SCG5: variants seen among roughly 807,000 people sequenced by gnomAD.
The protein encoded by SCG5 is neuroendocrine protein 7B2.
Under a neutral mutation model 25.7 loss-of-function variants are expected in SCG5, and 18 were observed. The ratio of observed to expected loss-of-function variants is 0.70; its 90% CI spans 0.48 to 1.04. The LOEUF (loss-of-function observed/expected upper bound fraction) is 1.04. Ranked by LOEUF, SCG5 falls within the 50% of genes least tolerant of loss-of-function variation. The pLI is 0.00. For synonymous variants in SCG5, 101 were observed against 91.7 expected (o/e 1.10, Z -0.58); for missense variants, 206 against 259.8 (o/e 0.79, Z 1.42).
At chr15:32,673,894 T>C (rs1293412848) in intron 2 of SCG5, among the ~76,000 whole-genome samples, 1 of 152,092 alleles carries the variant, frequency 6.6e-6, no homozygotes, top group Non-Finnish European at 1.5e-5. Context: ...CCTGTAATTG[T>C]ATTTTTAGTA....
At chr15:32,681,022 T>C (rs1489462691) in intron 3 of SCG5, among the ~76,000 whole-genome samples, 1 of 152,146 alleles carries the variant, frequency 6.6e-6, no homozygotes, top group Non-Finnish European at 1.5e-5. Context: ...TAAATAAAAT[T>C]ATCCATGTAA....
In SCG5 at chr15:32,652,055, G is replaced by A. The variant is rs953486354; in HGVS notation, c.226+8237G>A. ...TCCACAAAGGAAACTGGGATAAATC[G>A]GCCAGAAAGGAGAAGAACCAGAAAG... On this transcript the variant is annotated intron_variant, in intron 2 of 5. Coordinates refer to ENST00000300175, the MANE Select transcript of SCG5 (RefSeq NM_001144757.3). Among the ~76,000 whole-genome samples, 6 of 152,110 alleles carry A rather than the reference G, an allele frequency of 3.9e-5. No individual in the cohort carries two copies. The East Asian group carries it at 7.7e-4, about 20-fold the overall frequency.
chr15:32,657,357 A>G (rs918160196), intron 2 of SCG5, among the ~76,000 whole-genome samples: 5 of 150,450 alleles, frequency 3.3e-5, no homozygotes, highest in Non-Finnish European at 3.0e-5. Flanking sequence ...CCTGGCCTTA[A>G]GTGCTCTGCT....
In SCG5 at chr15:32,696,808, G is replaced by A; in HGVS notation, c.*199G>A. 2.4e-6 allele frequency: 1 copy of A among 419,928 alleles called. No homozygotes were observed. The highest frequency in any genetic ancestry group is 4.3e-6 in the Non-Finnish European group (1 of 235,008). 26.0% of individuals were successfully genotyped at this position (419,928 alleles called of 1,614,324 possible). ...GCTAAATTAGAATAAGAGCTTTTTT[G>A]TTTCTTGGGTTTTTAAAATGTGAAT... On this transcript the variant is annotated 3_prime_UTR_variant, in exon 6 of 6. Transcript: ENST00000300175.
At chr15:32,684,484 T>A (rs990324277) in intron 3 of SCG5, 73 bp from the exon 4 acceptor site, 2 of 964,300 alleles carry the variant, frequency 2.1e-6, no homozygotes, top group Non-Finnish European at 3.2e-6. Context: ...TGCCTAGTTG[T>A]TTTTGATAAA....
chr15:32,677,901 T>A (rs2054556393), intron 2 of SCG5, among the ~76,000 whole-genome samples: 1 of 152,144 alleles, frequency 6.6e-6, no homozygotes, highest in African/African-American at 2.4e-5. Context: ...AGTTATGGAG[T>A]AGAAGTTGTT....
intron 4 of SCG5, among the ~76,000 whole-genome samples, chr15:32,685,238 G>C (rs545172836): frequency 4.6e-5 from 7 of 152,338 alleles, no homozygotes; most frequent in Non-Finnish European, 1.0e-4. Flanking sequence ...CACTTGGAAA[G>C]ATAAATCATG....
chr15:32,659,559 T>C (rs905783891), intron 2 of SCG5, among the ~76,000 whole-genome samples: 21 of 151,686 alleles, frequency 1.4e-4, no homozygotes, highest in Admixed American at 7.2e-4. Context: ...ACTGGTCAGT[T>C]CCCCCAGTGG....
chr15:32,654,165 C>G lies in SCG5; in HGVS notation c.226+10347C>G, dbSNP rs187354128. Reference sequence around the variant, plus strand: ...GATACAGCTTGTCTTCTGGTCTGTTCAGGCTGCTATAACAAAAATTCCACA... The same window carrying G: ...GATACAGCTTGTCTTCTGGTCTGTTGAGGCTGCTATAACAAAAATTCCACA... On this transcript the variant is annotated intron_variant, in intron 2 of 5. Transcript: ENST00000300175. Among the ~76,000 whole-genome samples the G allele has an allele frequency of 1.2e-4, 19 of 152,268 alleles. No homozygotes were observed. The East Asian group carries it at 2.9e-3, about 23-fold the overall frequency.
chr15:32,693,979 A>G (rs62002602), intron 5 of SCG5, among the ~76,000 whole-genome samples: 12,812 of 152,132 alleles, frequency 0.084, 742 homozygotes, highest in Non-Finnish European at 0.13. Context: ...GCGTGGTGGT[A>G]TGCTCCTGTT....
chr15:32,688,819 C>T (rs1050571667), intron 4 of SCG5, among the ~76,000 whole-genome samples: 13 of 152,056 alleles, frequency 8.5e-5, no homozygotes, highest in African/African-American at 2.2e-4. Flanking sequence ...ATTAGCCGGG[C>T]GCGGTGGCGG....
chr15:32,651,447 T>G (rs1041362994), intron 2 of SCG5, among the ~76,000 whole-genome samples: 1 of 152,210 alleles, frequency 6.6e-6, no homozygotes, highest in African/African-American at 2.4e-5. Context: ...GCTTCCCATT[T>G]GAGGATGGCG....
chr15:32,694,138 A>G (rs2054913722), intron 5 of SCG5, among the ~76,000 whole-genome samples: 1 of 152,026 alleles, frequency 6.6e-6, no homozygotes, highest in East Asian at 1.9e-4. Context: ...ACAAAAACAA[A>G]CCCAAAGCTC....
chr15:32,671,157 A>C (rs754092650), intron 2 of SCG5, among the ~76,000 whole-genome samples: 7 of 152,094 alleles, frequency 4.6e-5, no homozygotes, highest in Non-Finnish European at 1.0e-4. Flanking sequence ...GTGGACTTGA[A>C]CTCAGGGCCC....
At chr15:32,691,847 T>A (rs752523928) in intron 5 of SCG5, 84 bp downstream of exon 5, 13 of 1,561,606 alleles carry the variant, frequency 8.3e-6, no homozygotes, top group Non-Finnish European at 1.1e-5. Flanking sequence ...CCTCGCTTGT[T>A]GGGAAGTCAC....
chr15:32,654,093 C>T (rs1435751041), intron 2 of SCG5, among the ~76,000 whole-genome samples: 1 of 152,166 alleles, frequency 6.6e-6, no homozygotes, highest in Non-Finnish European at 1.5e-5. Flanking sequence ...TCCTTGCCAC[C>T]TTTTACAGAT....
chr15:32,657,452 T>G (rs1166280812), intron 2 of SCG5, among the ~76,000 whole-genome samples: 3 of 151,676 alleles, frequency 2.0e-5, no homozygotes, highest in Non-Finnish European at 2.9e-5. Flanking sequence ...ATAGCAACTT[T>G]TTCATACTGA....
chr15:32,663,121 C>A (rs1400840510), intron 2 of SCG5, among the ~76,000 whole-genome samples: 1 of 128,188 alleles, frequency 7.8e-6, no homozygotes. Context: ...TACATATATA[C>A]ATATATAACA....
At chr15:32,670,907 AATAT>A (rs1270334296) in intron 2 of SCG5, among the ~76,000 whole-genome samples, 2 of 152,224 alleles carry the variant, frequency 1.3e-5, no homozygotes, top group African/African-American at 4.8e-5. Flanking sequence ...CACAATGAAA[AATAT>A]GCAGGATCAT....
Sources: allele counts gnomAD v4.1 joint callset (sites outside exome capture counted in the v4.1 genomes callset), GRCh38; gene constraint gnomAD v4.1.1; transcripts MANE v1.5; gene names NCBI Gene and HGNC (gene_info 2026-07-23, HGNC 2026-07-21).